ZNF44: variants seen among roughly 807,000 people sequenced by gnomAD.
ZNF44 encodes gonadotropin inducible transcription repressor-2.
ZNF44 carries 9 observed loss-of-function variants against 11.7 expected under a neutral mutation model. The observed-to-expected ratio is 0.77, with a 90% CI of 0.46 to 1.35. The LOEUF (loss-of-function observed/expected upper bound fraction) is 1.35, where lower values mean the gene tolerates loss of function less well. ZNF44 is among the 40% of genes most tolerant of loss of function. The probability of loss-of-function intolerance (pLI) is 0.00; values close to 1 mark genes in which losing one functional copy is unlikely to be tolerated. For missense variants in ZNF44, 696 were observed against 743.1 expected, an observed-to-expected ratio of 0.94 and a Z score of 0.74; for synonymous variants, 224 against 242.7, an observed-to-expected ratio of 0.92 and a Z score of 0.72.
chr19:12,279,391 C>A (rs999395882), intron 1 of ZNF44, among the ~76,000 whole-genome samples: 1 of 151,936 alleles, frequency 6.6e-6, no homozygotes, highest in Non-Finnish European at 1.5e-5. Flanking sequence ...ATAATTTCAG[C>A]CTTCAAGCAA....
At chr19:12,248,549 T>G (rs1480700019) in exon 8 of ZNF44, 2 of 1,291,108 alleles carry the variant, frequency 1.5e-6, no homozygotes, top group Non-Finnish European at 2.0e-6. Flanking sequence ...CTTTTCCACA[T>G]ACACTGCTTT....
chr19:12,226,263 A>T (rs183311093), exon 4 of ZNF44: 2 of 152,338 alleles, frequency 1.3e-5, no homozygotes, highest in African/African-American at 4.8e-5. Context: ...AAGGCCAGCC[A>T]TAGATTTGTA....
At chr19:12,276,483 T>G (rs890395244) in intron 1 of ZNF44, among the ~76,000 whole-genome samples, 3 of 152,218 alleles carry the variant, frequency 2.0e-5, no homozygotes, top group Non-Finnish European at 2.9e-5. Context: ...GTTGAACCTT[T>G]CGTGGTGTCT....
At chr19:12,226,231 G>GAGAT (rs1915912453) in exon 4 of ZNF44, 1 of 152,162 alleles carries the variant, frequency 6.6e-6, no homozygotes. Context: ...GAAGGAATGT[G>GAGAT]AGATAAGACC....
chr19:12,257,314 G>A (rs970522327), intron 5 of ZNF44, among the ~76,000 whole-genome samples: 1 of 152,144 alleles, frequency 6.6e-6, no homozygotes, highest in Non-Finnish European at 1.5e-5. Flanking sequence ...GATTACAGCA[G>A]TAAATTGCAA....
At chr19:12,243,230 T>C (rs987700039), downstream of ZNF44, among the ~76,000 whole-genome samples, 1 of 152,004 alleles carries the variant, frequency 6.6e-6, no homozygotes, top group Non-Finnish European at 1.5e-5. Context: ...CATTCTGTAA[T>C]GGTTACCACA....
Position 12,272,694 on chromosome 19 carries a change from T to C in ZNF44, c.1561A>G (p.Thr521Ala), listed in dbSNP as rs1284156433. 1 of 1,613,428 alleles carries C rather than the reference T, an allele frequency of 6.2e-7. No homozygotes were observed. The highest frequency in any genetic ancestry group is 1.7e-5 in the Admixed American group (1 of 59,954). ...KAFSRFSYLKTHERTHTAEKP... is the reference protein window; with the variant it reads ...KAFSRFSYLKAHERTHTAEKP... ...TCTGCCGTGTGAGTCCTTTCATGAG[T>C]TTTTAAGTAACTGAAACGACTGAAG... is the stretch of plus-strand genomic sequence containing the variant. Residue 521 changes from threonine (T) to alanine (A), a missense_variant, in exon 4 of 4, where the codon ACT (threonine) becomes GCT (alanine). By Grantham distance (58) the Thr-to-Ala change is moderately conservative (BLOSUM62 0). Coordinates refer to ENST00000355684, the MANE Select transcript of ZNF44 (RefSeq NM_016264.4).
rs532461803 is a variant in ZNF44 at position 12,275,397 on chromosome 19, C to T, written c.131-364G>A. On this transcript the variant is annotated intron_variant, in intron 2 of 3. Coordinates refer to ENST00000355684, the MANE Select transcript of ZNF44 (RefSeq NM_016264.4). ...GGCATAGTGGCTCATGCCTGTAATC[C>T]CAGCACTTTGGGAGGCCGAGGTGGG... Among the ~76,000 whole-genome samples the T allele has an allele frequency of 1.2e-3, 190 of 152,068 alleles. 1 individual carries two copies. Among genetic ancestry groups the T allele is most frequent in the African/African-American group, 4.5e-3 (186 of 41,484 alleles).
At chr19:12,277,931 C>T (rs748334896) in intron 1 of ZNF44, among the ~76,000 whole-genome samples, 1 of 152,192 alleles carries the variant, frequency 6.6e-6, no homozygotes, top group Admixed American at 6.5e-5. Context: ...AAGTGTGCAA[C>T]CACCTAGGAC....
chr19:12,228,891 T>C (rs1916034125), intron 3 of ZNF44, among the ~76,000 whole-genome samples: 2 of 152,198 alleles, frequency 1.3e-5, no homozygotes, highest in Admixed American at 6.5e-5. Context: ...GGCTGAGTCA[T>C]AGTTTTGTTT....
At chr19:12,293,264 C>G (rs1441975438) in intron 1 of ZNF44, 4 of 1,537,028 alleles carry the variant, frequency 2.6e-6, no homozygotes, top group Admixed American at 3.9e-5. Context: ...TCCAACACCT[C>G]AGGCTGTCCT....
chr19:12,265,858 G>A (rs1050044200), intron 5 of ZNF44, among the ~76,000 whole-genome samples: 1 of 152,174 alleles, frequency 6.6e-6, no homozygotes, highest in African/African-American at 2.4e-5. Flanking sequence ...TAGAAACTGC[G>A]ACTTTATGGT....
At chr19:12,226,342 G>C (rs149408149) in exon 4 of ZNF44, 1 of 152,140 alleles carries the variant, frequency 6.6e-6, no homozygotes, top group African/African-American at 2.4e-5. Context: ...GGGACTCCTG[G>C]CCTGTCAGAA....
At chr19:12,247,552 C>T (rs1916805862), downstream of ZNF44, 3 of 1,347,572 alleles carry the variant, frequency 2.2e-6, no homozygotes, top group Non-Finnish European at 3.0e-6. Context: ...TGGGTTCTTT[C>T]ATGTATCTGG....
At chr19:12,293,731 G>A (rs1334479833) in intron 1 of ZNF44, among the ~76,000 whole-genome samples, 1 of 152,128 alleles carries the variant, frequency 6.6e-6, no homozygotes, top group African/African-American at 2.4e-5. Context: ...GAGTTAGGAT[G>A]AAGGGACAGG....
Position 12,272,955 on chromosome 19 carries a change from TG to T in ZNF44, c.1299del (p.Ser434ValfsTer86). The T allele has an allele frequency of 6.2e-7, 1 of 1,613,942 alleles. No individual in the cohort carries two copies. The highest frequency in any genetic ancestry group is 8.5e-7 in the Non-Finnish European group (1 of 1,179,994). The stretch of plus-strand genomic sequence containing the variant: ...GTTGTTTCATGTTTTCGAAGGGAAC[TG>T]GAAGTACGGAAGGCTTTCCCACATT... ...CKQCGKAFRT[S>X]SSLRKHETTH... On this transcript the variant is annotated frameshift_variant, in exon 4 of 4. Coordinates refer to ENST00000355684, the MANE Select transcript of ZNF44 (RefSeq NM_016264.4). LOFTEE classifies it low-confidence loss of function (END_TRUNC).
intron 5 of ZNF44, among the ~76,000 whole-genome samples, chr19:12,257,127 T>A (rs1917294797): frequency 1.3e-5 from 2 of 152,178 alleles, no homozygotes; most frequent in African/African-American, 4.8e-5. Flanking sequence ...AGAAACCAGA[T>A]AAAGGTGGAC....
chr19:12,251,881 G>A (rs1917013124), intron 5 of ZNF44, among the ~76,000 whole-genome samples: 1 of 151,864 alleles, frequency 6.6e-6, no homozygotes, highest in African/African-American at 2.4e-5. Flanking sequence ...GAGAAACCCT[G>A]TCTCTACTAA....
chr19:12,273,526 A>G lies in ZNF44; in HGVS notation c.729T>C (p.His243=). ...GTTTCTCCCCAGTGTGTATTTTTTCATGTCTTAGATAGGAACTGTAAACAG... is the reference window on the plus strand; with the variant it reads ...GTTTCTCCCCAGTGTGTATTTTTTCGTGTCTTAGATAGGAACTGTAAACAG... The part of the protein sequence containing the change: ...AFPVYSSYLR[H]EKIHTGEKPY... Residue 243 remains histidine, a synonymous_variant, in exon 4 of 4, where the codon CAT becomes CAC. Transcript: ENST00000355684. 2 of 1,613,946 alleles carry G rather than the reference A, an allele frequency of 1.2e-6. No individual in the cohort carries two copies. Among genetic ancestry groups the G allele is most frequent in the Non-Finnish European group, 1.7e-6 (2 of 1,180,000 alleles).
Sources: gnomAD v4.1 joint callset for allele counts (sites outside exome capture counted in the v4.1 genomes callset) on GRCh38, gnomAD v4.1.1 for gene constraint, MANE v1.5 for transcripts, NCBI Gene and HGNC (gene_info 2026-07-23, HGNC 2026-07-21) for gene names.